Variants in PSKH1 observed in about 807,000 individuals in gnomAD.
PSKH1 encodes protein serine kinase H1.
PSKH1 carries 12 observed loss-of-function variants against 26.7 expected under a neutral mutation model. The observed-to-expected ratio is 0.45, with a 90% CI of 0.29 to 0.73. The LOEUF is 0.73. PSKH1 is among the 30% of genes least tolerant of loss of function. The pLI, the probability that PSKH1 is intolerant of heterozygous loss-of-function variation, is 0.11. For synonymous variants in PSKH1, 213 were observed against 234.3 expected (o/e 0.91, Z 0.83); for missense variants, 431 against 595.2 (o/e 0.72, Z 2.87).
intron 1 of PSKH1, among the ~76,000 whole-genome samples, chr16:67,898,947 G>A (rs976243528): frequency 3.3e-5 from 5 of 152,180 alleles, no homozygotes; most frequent in Non-Finnish European, 7.3e-5. Context: ...AAACATGTCA[G>A]TAGAATATAG....
intron 1 of PSKH1, among the ~76,000 whole-genome samples, chr16:67,896,187 C>T (rs1407184018): frequency 2.0e-5 from 3 of 151,950 alleles, no homozygotes; most frequent in Non-Finnish European, 2.9e-5. Flanking sequence ...CGGCTCACTA[C>T]AACCTCCGCC....
At position 67,909,485 on chromosome 16, in the gene PSKH1, C is replaced by T. The variant is rs143148420; in HGVS notation, c.736C>T (p.Arg246Cys). The change falls in exon 2 of 3, where the codon CGC becomes TGC. Residue 246 changes from arginine (R) to cysteine (C), a missense_variant. Physicochemically the swap from Arg to Cys is radical, Grantham distance 180. Coordinates refer to ENST00000291041, the MANE Select transcript of PSKH1 (RefSeq NM_006742.3). The surrounding 1 kb of genome is among the most constrained non-coding windows in gnomAD (Gnocchi z 7.8). ...IITDFGLASA[R>C]KKGDDCLMKT... is the part of the protein sequence containing the mutation. ...CACCGACTTCGGCCTGGCCAGTGCT[C>T]GCAAGAAGGGTGATGACTGCTTGAT... is the stretch of plus-strand genomic sequence containing the variant. The T allele has an allele frequency of 9.9e-6, 16 of 1,613,472 alleles. No individual in the cohort carries two copies. The highest frequency in any genetic ancestry group is 6.6e-5 in the South Asian group (6 of 91,078).
intron 1 of PSKH1, among the ~76,000 whole-genome samples, chr16:67,903,450 T>C (rs886794260): frequency 2.6e-5 from 4 of 152,000 alleles, no homozygotes; most frequent in Non-Finnish European, 5.9e-5. Context: ...CTATGCCCCA[T>C]AGATAAACCT....
chr16:67,901,051 G>C (rs1181578201), intron 1 of PSKH1, among the ~76,000 whole-genome samples: 3 of 152,148 alleles, frequency 2.0e-5, no homozygotes, highest in Non-Finnish European at 4.4e-5. Context: ...TGATGGGACT[G>C]TGGAGCAGCT....
rs368214752 is a variant in PSKH1 at position 67,925,565 on chromosome 16, C to T, written c.958-1760C>T. Among the ~76,000 whole-genome samples, 11 of 152,214 alleles carry T rather than the reference C, an allele frequency of 7.2e-5. No homozygotes were observed. The East Asian group carries it at 1.5e-3, about 21-fold the overall frequency. The stretch of plus-strand genomic sequence containing the variant: ...TGTCGGGGAGGGCTGTTGCTCTCTG[C>T]GCCCACCCACAGCCCTTGGATAGTA... On this transcript the variant is annotated intron_variant, in intron 2 of 2. Transcript: ENST00000291041.
chr16:67,904,951 C>T (rs889624074), intron 1 of PSKH1, among the ~76,000 whole-genome samples: 4 of 151,842 alleles, frequency 2.6e-5, no homozygotes, highest in Non-Finnish European at 5.9e-5. Context: ...CTCAGCCTCC[C>T]GAGTAGCTGA....
Position 67,927,283 on chromosome 16 carries a change from G to A in PSKH1, c.958-42G>A, listed in dbSNP as rs2058219858. On this transcript the variant is annotated intron_variant, in intron 2 of 2. Coordinates refer to ENST00000291041, the MANE Select transcript of PSKH1 (RefSeq NM_006742.3). The surrounding 1 kb of genome is among the most constrained non-coding windows in gnomAD (Gnocchi z 5.5). ...TGGCCTCATCCAGATGGGGTGGGCA[G>A]TGTCAGATGCTCTCACTCTAATGCT... 1 of 1,552,634 alleles carries A rather than the reference G, an allele frequency of 6.4e-7. No homozygotes were observed. Among genetic ancestry groups the A allele is most frequent in the Admixed American group, 1.8e-5 (1 of 56,110 alleles).
chr16:67,896,254 G>A (rs559713790), intron 1 of PSKH1, among the ~76,000 whole-genome samples: 1 of 151,754 alleles, frequency 6.6e-6, no homozygotes, highest in African/African-American at 2.4e-5. Context: ...GACTACAGAT[G>A]CCTGCCACCA....
chr16:67,912,881 A>G (rs909366191), intron 2 of PSKH1, among the ~76,000 whole-genome samples: 2 of 150,416 alleles, frequency 1.3e-5, no homozygotes, highest in Admixed American at 6.6e-5. Flanking sequence ...AAAAAGAAAC[A>G]AAAAAAAAGA....
intron 2 of PSKH1, among the ~76,000 whole-genome samples, chr16:67,920,652 G>T (rs1035364252): frequency 6.6e-6 from 1 of 152,208 alleles, no homozygotes; most frequent in Non-Finnish European, 1.5e-5. Context: ...TGGCATAGCT[G>T]ATGGTGACCT....
intron 1 of PSKH1, among the ~76,000 whole-genome samples, chr16:67,900,867 C>G (rs961097344): frequency 6.6e-6 from 1 of 152,166 alleles, no homozygotes; most frequent in Non-Finnish European, 1.5e-5. Flanking sequence ...CTTCCTTACT[C>G]ATCCTTGCCC....
intron 2 of PSKH1, chr16:67,910,030 C>G: frequency 4.1e-6 from 2 of 489,752 alleles, no homozygotes; most frequent in Non-Finnish European, 7.2e-6. Context: ...CACTGGGAAC[C>G]TTGGTAATAA....
At chr16:67,898,084 T>G (rs1289651001) in intron 1 of PSKH1, among the ~76,000 whole-genome samples, 1 of 152,142 alleles carries the variant, frequency 6.6e-6, no homozygotes, top group African/African-American at 2.4e-5. Flanking sequence ...ACTCTTGACC[T>G]CATGATCCAC....
chr16:67,909,355 G>T lies in PSKH1; in HGVS notation c.606G>T (p.Val202=). 6.2e-7 allele frequency: 1 copy of T among 1,614,070 alleles called. No individual in the cohort carries two copies. Among genetic ancestry groups the T allele is most frequent in the African/African-American group, 1.3e-5 (1 of 75,028 alleles). ...ACGCCACGCGGGTGCTGCAGATGGT[G>T]CTGGATGGCGTCCGGTATCTGCATG... is the stretch of plus-strand genomic sequence containing the variant. ...ERDATRVLQM[V]LDGVRYLHAL... Residue 202 remains valine (V), a synonymous_variant, in exon 2 of 3, where the codon GTG becomes GTT. Coordinates refer to ENST00000291041, the MANE Select transcript of PSKH1 (RefSeq NM_006742.3). The surrounding 1 kb of genome is among the most constrained non-coding windows in gnomAD (Gnocchi z 7.8).
chr16:67,894,848 T>G (rs1186779646), intron 1 of PSKH1, among the ~76,000 whole-genome samples: 2 of 152,218 alleles, frequency 1.3e-5, no homozygotes, highest in Non-Finnish European at 2.9e-5. Flanking sequence ...GTACAGCCTC[T>G]TAATCCTGGA....
rs764221259 is a variant in PSKH1 at position 67,908,763 on chromosome 16, C to T, written c.14C>T (p.Thr5Ile). ...CTCGTGTCCGTGATGGGCTGTGGGA[C>T]AAGCAAGGTCCTTCCCGAGCCACCC... MGCG[T>I]SKVLPEPPKD... The change falls in exon 2 of 3, where the codon ACA becomes ATA. Residue 5 changes from threonine to isoleucine, a missense_variant. Transcript: ENST00000291041. 6.3e-7 allele frequency: 1 copy of T among 1,586,412 alleles called. No homozygotes were observed. Among genetic ancestry groups the T allele is most frequent in the African/African-American group, 1.3e-5 (1 of 74,568 alleles).
intron 2 of PSKH1, among the ~76,000 whole-genome samples, chr16:67,922,305 C>T (rs1438082866): frequency 6.6e-6 from 1 of 152,210 alleles, no homozygotes; most frequent in Non-Finnish European, 1.5e-5. Flanking sequence ...AGAATTTCCT[C>T]TGTGCCCTTT....
At chr16:67,900,023 A>G (rs571206055) in intron 1 of PSKH1, among the ~76,000 whole-genome samples, 1 of 151,676 alleles carries the variant, frequency 6.6e-6, no homozygotes, top group East Asian at 1.9e-4. Context: ...GTGCAGTGGC[A>G]TGATCTCAGC....
chr16:67,908,715 C>A lies in PSKH1; in HGVS notation c.-35C>A. The A allele has an allele frequency of 6.5e-7, 1 of 1,543,456 alleles. No individual in the cohort carries two copies. The highest frequency in any genetic ancestry group is 1.9e-5 in the Admixed American group (1 of 53,290). ...GGCACTGCCTTCAGAGCAGGTCCTG[C>A]CAGCCTCGCTGGAGAGGATGCCCTC... On this transcript the variant is annotated 5_prime_UTR_variant, in exon 2 of 3. Transcript: ENST00000291041.
Sources: gnomAD v4.1 joint callset for allele counts (sites outside exome capture counted in the v4.1 genomes callset) on GRCh38, gnomAD v4.1.1 for gene constraint, Gnocchi (gnomAD v3.1) non-coding constraint, MANE v1.5 for transcripts, NCBI Gene and HGNC (gene_info 2026-07-23, HGNC 2026-07-21) for gene names.